Variants in CTNNA3 observed in about 807,000 individuals in gnomAD.
CTNNA3 encodes catenin alpha 3.
In CTNNA3, 76 loss-of-function variants were observed where a neutral mutation model predicts 95.7. The ratio of observed to expected loss-of-function variants is 0.79; its 90% CI spans 0.66 to 0.96. CTNNA3 has a LOEUF of 0.96. Ranked by LOEUF, CTNNA3 falls within the 40% of genes least tolerant of loss-of-function variation. The pLI is 0.00. For missense variants in CTNNA3, 1,191 were observed against 1,089.8 expected, an observed-to-expected ratio of 1.09 and a Z score of -1.31; for synonymous variants, 431 against 374.4, an observed-to-expected ratio of 1.15 and a Z score of -1.74.
intron 11 of CTNNA3, among the ~76,000 whole-genome samples, chr10:66,501,362 T>C (rs1314666841): frequency 6.6e-6 from 1 of 152,166 alleles, no homozygotes; most frequent in Non-Finnish European, 1.5e-5. Context: ...CAGAATTACT[T>C]TGTTGATAGA....
intron 12 of CTNNA3, among the ~76,000 whole-genome samples, chr10:66,281,887 C>T (rs919145053): frequency 7.9e-5 from 12 of 151,774 alleles, no homozygotes; most frequent in African/African-American, 2.9e-4. Flanking sequence ...TATCTGCTGA[C>T]ATTATCCACT....
At chr10:66,113,788 G>T (rs532680172) in intron 13 of CTNNA3, among the ~76,000 whole-genome samples, 1 of 152,238 alleles carries the variant, frequency 6.6e-6, no homozygotes, top group South Asian at 2.1e-4. Context: ...CTTATAGATT[G>T]TTAACTTCTC....
At chr10:67,004,738 A>T (rs1435252499) in intron 7 of CTNNA3, among the ~76,000 whole-genome samples, 1 of 152,194 alleles carries the variant, frequency 6.6e-6, no homozygotes, top group African/African-American at 2.4e-5. Flanking sequence ...AACTTATATC[A>T]TGTCAATTAT....
intron 4 of CTNNA3, among the ~76,000 whole-genome samples, chr10:67,524,303 CAGG>C (rs1278300107): frequency 2.7e-5 from 4 of 147,366 alleles, no homozygotes; most frequent in Non-Finnish European, 5.9e-5. Flanking sequence ...GAGGCTGAGG[CAGG>C]AGAATGGCGT....
intron 1 of CTNNA3, among the ~76,000 whole-genome samples, chr10:67,726,506 A>T (rs1258923452): frequency 4.5e-5 from 3 of 67,394 alleles, no homozygotes; most frequent in Non-Finnish European, 7.4e-5. Flanking sequence ...TATATAATAT[A>T]TTATATATTA....
At chr10:67,537,349 C>G (rs932934602) in intron 4 of CTNNA3, among the ~76,000 whole-genome samples, 5 of 152,146 alleles carry the variant, frequency 3.3e-5, no homozygotes, top group Admixed American at 3.3e-4. Context: ...TCAGCTTTCT[C>G]ATTTGTTAAA....
At chr10:66,979,113 C>T (rs1850260633) in intron 7 of CTNNA3, among the ~76,000 whole-genome samples, 1 of 151,700 alleles carries the variant, frequency 6.6e-6, no homozygotes, top group African/African-American at 2.4e-5. Context: ...TACAGGCACC[C>T]ACCACCACAC....
At chr10:67,430,644 A>G (rs571427738) in intron 5 of CTNNA3, among the ~76,000 whole-genome samples, 25 of 152,036 alleles carry the variant, frequency 1.6e-4, no homozygotes, top group African/African-American at 5.5e-4. Context: ...TTATTCAAAA[A>G]TAGTTATTAA....
At chr10:67,113,390 G>A (rs995040904) in intron 7 of CTNNA3, among the ~76,000 whole-genome samples, 1 of 151,902 alleles carries the variant, frequency 6.6e-6, no homozygotes, top group Non-Finnish European at 1.5e-5. Flanking sequence ...TAAGATGTGT[G>A]GAAAAACCCA....
chr10:67,688,259 G>A (rs977972322), intron 1 of CTNNA3, among the ~76,000 whole-genome samples: 1 of 152,078 alleles, frequency 6.6e-6, no homozygotes, highest in East Asian at 1.9e-4. Context: ...CAGCTTGAAG[G>A]GGACATAAAT....
intron 7 of CTNNA3, among the ~76,000 whole-genome samples, chr10:66,830,408 A>G (rs1214912594): frequency 6.6e-6 from 1 of 151,472 alleles, no homozygotes; most frequent in Non-Finnish European, 1.5e-5. Flanking sequence ...AGAATCTTAG[A>G]AGATTAGAAT....
At chr10:67,519,572 G>A (rs1483751035) in intron 5 of CTNNA3, among the ~76,000 whole-genome samples, 2 of 152,054 alleles carry the variant, frequency 1.3e-5, no homozygotes, top group Admixed American at 1.3e-4. Flanking sequence ...TTTGTTCATA[G>A]CAACAACACC....
chr10:67,750,775 T>A, intron 1 of CTNNA3: 2 of 1,605,848 alleles, frequency 1.2e-6, no homozygotes, highest in South Asian at 2.2e-5. Context: ...TTTCAACCAC[T>A]TCCAGATAGA....
At chr10:66,786,924 C>A (rs1039998215) in intron 7 of CTNNA3, among the ~76,000 whole-genome samples, 1 of 152,138 alleles carries the variant, frequency 6.6e-6, no homozygotes, top group Non-Finnish European at 1.5e-5. Flanking sequence ...AACTCTACAG[C>A]GCTGTCTCAG....
At chr10:66,199,805 A>ATATATTTT (rs1564756586) in intron 13 of CTNNA3, among the ~76,000 whole-genome samples, 1 of 14,290 alleles carries the variant, frequency 7.0e-5, no homozygotes, top group Non-Finnish European at 1.1e-4. Context: ...ATATATATAT[A>ATATATTTT]TTTTTTTTTT....
chr10:67,092,143 G>A (rs1171713642), intron 7 of CTNNA3, among the ~76,000 whole-genome samples: 3 of 151,870 alleles, frequency 2.0e-5, no homozygotes, highest in East Asian at 1.9e-4. Context: ...TTCTTTCACT[G>A]TATGCAGATG....
intron 5 of CTNNA3, among the ~76,000 whole-genome samples, chr10:67,471,747 T>C (rs1201087263): frequency 2.0e-5 from 3 of 152,222 alleles, no homozygotes; most frequent in African/African-American, 7.2e-5. Context: ...CCATGTACAT[T>C]TTGGCCTTAA....
intron 7 of CTNNA3, among the ~76,000 whole-genome samples, chr10:67,177,320 T>C (rs1423152374): frequency 1.3e-5 from 2 of 152,162 alleles, no homozygotes; most frequent in Non-Finnish European, 1.5e-5. Context: ...AGTCATATGG[T>C]TGTGTGGACT....
intron 7 of CTNNA3, among the ~76,000 whole-genome samples, chr10:66,777,163 G>T (rs1840333205): frequency 6.6e-6 from 1 of 152,096 alleles, no homozygotes; most frequent in Admixed American, 6.6e-5. Flanking sequence ...GTGAAAAATG[G>T]CCATCATTGG....
Sources: allele counts gnomAD v4.1 joint callset (sites outside exome capture counted in the v4.1 genomes callset), GRCh38; gene constraint gnomAD v4.1.1; transcripts MANE v1.5; gene names NCBI Gene and HGNC (gene_info 2026-07-23, HGNC 2026-07-21).